The following ADAMTSL2 variants were observed in gnomAD, a reference collection of about 807,000 sequenced individuals.
The protein encoded by ADAMTSL2 is ADAMTS like 2.
In ADAMTSL2, 55 loss-of-function variants were observed where a neutral mutation model predicts 117.0. The ratio of observed to expected loss-of-function variants is 0.47; its 90% CI spans 0.38 to 0.59. The LOEUF is 0.59. Ranked by LOEUF, ADAMTSL2 falls within the 20% of genes least tolerant of loss-of-function variation. The pLI is 0.00. For missense variants in ADAMTSL2, 1,182 were observed against 1,354.5 expected (o/e 0.87, Z 2.00); for synonymous variants, 572 against 566.4 (o/e 1.01, Z -0.14).
At position 133,540,840 on chromosome 9, in the gene ADAMTSL2, C is replaced by T. The variant is rs199669227; in HGVS notation, c.559-38C>T. 17 of 1,613,202 alleles carry T rather than the reference C, an allele frequency of 1.1e-5. No homozygotes were observed. In the Middle Eastern group the frequency reaches 4.9e-4, roughly 47 times the overall value. ...TGGCGGCCCCGGGGCCTGGCCACAG[C>T]GCCCTCCCAGCAGCCCTCTCCCTCT... On this transcript the variant is annotated intron_variant, in intron 6 of 18. Transcript: ENST00000651351.
chr9:133,535,263 T>C (rs1830023717), intron 1 of ADAMTSL2, among the ~76,000 whole-genome samples: 1 of 152,014 alleles, frequency 6.6e-6, no homozygotes, highest in Non-Finnish European at 1.5e-5. Flanking sequence ...GGCTGGCACC[T>C]GTCTTCAGCC....
chr9:133,565,008 G>C (rs1244318305), intron 12 of ADAMTSL2, among the ~76,000 whole-genome samples: 1 of 152,112 alleles, frequency 6.6e-6, no homozygotes, highest in Non-Finnish European at 1.5e-5. Flanking sequence ...ACACTCTTTT[G>C]GAGCCATAGC....
At chr9:133,552,089 A>G (rs1371709692) in intron 9 of ADAMTSL2, among the ~76,000 whole-genome samples, 4 of 152,202 alleles carry the variant, frequency 2.6e-5, no homozygotes, top group Non-Finnish European at 4.4e-5. Flanking sequence ...CGGCCTCCCA[A>G]AGTGCTGGGA....
chr9:133,534,571 C>A, upstream of ADAMTSL2: 1 of 1,086,254 alleles, frequency 9.2e-7, no homozygotes, highest in Non-Finnish European at 1.2e-6. Flanking sequence ...TGGCCGGGCT[C>A]CAGAGGCGCA....
rs576399134 is a variant in ADAMTSL2, at chr9:133,538,813, C to A, written c.309+389C>A. ...CCGTCCCATGAAACAGTACCCCCCACGCCATAAAACAGTTCCCTGGGTTGC... is the reference window on the plus strand; with the variant it reads ...CCGTCCCATGAAACAGTACCCCCCAAGCCATAAAACAGTTCCCTGGGTTGC... On this transcript the variant is annotated intron_variant, in intron 4 of 18. Coordinates refer to ENST00000651351, the MANE Select transcript of ADAMTSL2 (RefSeq NM_014694.4). 2.6e-4 allele frequency among the ~76,000 whole-genome samples: 40 copies of A among 152,228 alleles called. No individual in the cohort carries two copies. In the East Asian group the frequency reaches 6.2e-3, roughly 23 times the overall value.
At position 133,534,801 on chromosome 9, in the gene ADAMTSL2, C is replaced by T. The variant is rs771268711; in HGVS notation, c.-267C>T. 2.0e-4 allele frequency: 296 copies of T among 1,485,992 alleles called. 1 individual carries two copies. The highest frequency in any genetic ancestry group is 1.2e-3 in the Middle Eastern group (6 of 5,210). 92.1% of individuals were successfully genotyped at this position (1,485,992 alleles called of 1,614,324 possible). On this transcript the variant is annotated 5_prime_UTR_variant, in exon 1 of 19. Coordinates refer to ENST00000651351, the MANE Select transcript of ADAMTSL2 (RefSeq NM_014694.4). ...GGAGGAGGGGAAGGGGAGAGGGAGG[C>T]CGGGCCGCAGCCTCTGCACTCACGC...
rs761336043 is a variant in ADAMTSL2, at chr9:133,536,457, G to A, written c.-150-106G>A. The A allele has an allele frequency of 7.9e-5, 114 of 1,439,050 alleles. 1 individual carries two copies. The highest frequency in any genetic ancestry group is 9.9e-5 in the Non-Finnish European group (107 of 1,082,390). The allele number at this position is 1,439,050 out of a possible 1,614,324, so 89.1% of individuals were successfully genotyped here. A position where few individuals can be genotyped will look rare whatever the true frequency, so the allele number is the denominator to read the frequency against. On this transcript the variant is annotated intron_variant, in intron 1 of 18. Transcript: ENST00000651351. ...ATCAAGGGTGGCACAGGCTTAGCACGCACACCGCCGCTGGGTGTCTTGCCT... is the reference window on the plus strand; with the variant it reads ...ATCAAGGGTGGCACAGGCTTAGCACACACACCGCCGCTGGGTGTCTTGCCT...
At chr9:133,561,345 A>C in intron 12 of ADAMTSL2, 50 bp downstream of exon 12, 1 of 1,506,406 alleles carries the variant, frequency 6.6e-7, no homozygotes, top group South Asian at 1.2e-5. Context: ...ACCCATTTCC[A>C]TGGACATGGG....
rs1564505502 is a variant in ADAMTSL2 at position 133,558,219 on chromosome 9, T to TC, written c.1649+2294dup. Reference sequence around the variant, plus strand: ...GCCCTGACTGCTGAGATGCCGCTGCTCCCCCGGCCGGCCTGCCATCAAAGG... The same window carrying TC: ...GCCCTGACTGCTGAGATGCCGCTGCTCCCCCCGGCCGGCCTGCCATCAAAGG... On this transcript the variant is annotated intron_variant, in intron 11 of 18. Coordinates refer to ENST00000651351, the MANE Select transcript of ADAMTSL2 (RefSeq NM_014694.4). The surrounding 1 kb of genome is among the most constrained non-coding windows in gnomAD (Gnocchi z 4.3). 1.3e-5 allele frequency among the ~76,000 whole-genome samples: 2 copies of TC among 151,784 alleles called. No homozygotes were observed. Among genetic ancestry groups the TC allele is most frequent in the Admixed American group, 6.6e-5 (1 of 15,264 alleles).
rs767268986 is a variant in ADAMTSL2, at chr9:133,537,563, C to A, written c.233+16C>A. On this transcript the variant is annotated intron_variant, in intron 3 of 18. Coordinates refer to ENST00000651351, the MANE Select transcript of ADAMTSL2 (RefSeq NM_014694.4). ...TGCAGCAGAGGTGCGAGGTTGGGCA[C>A]GTGGCCCTGAGGGGATGGCATGAGG... 6 of 1,339,360 alleles carry A rather than the reference C, an allele frequency of 4.5e-6. No homozygotes were observed. Among genetic ancestry groups the A allele is most frequent in the Non-Finnish European group, 1.9e-6 (2 of 1,036,300 alleles). The allele number at this position is 1,339,360 out of a possible 1,614,324, so 83.0% of individuals were successfully genotyped here.
Position 133,567,014 on chromosome 9 carries a change from G to T in ADAMTSL2, c.1826G>T (p.Arg609Leu). ...VDDSYCDALT[R>L]PEPVHEFCAG... ...GACAGCTACTGTGACGCCCTGACCCGTCCCGAGCCTGTCCACGAGTTCTGC... is the reference window on the plus strand; with the variant it reads ...GACAGCTACTGTGACGCCCTGACCCTTCCCGAGCCTGTCCACGAGTTCTGC... Residue 609 changes from arginine (R) to leucine (L), a missense_variant, in exon 13 of 19, where the codon CGT becomes CTT. Arg to Leu is a moderately radical substitution (Grantham distance 102, BLOSUM62 -2). Transcript: ENST00000651351. 1 of 1,611,324 alleles carries T rather than the reference G, an allele frequency of 6.2e-7. No homozygotes were observed. The highest frequency in any genetic ancestry group is 8.5e-7 in the Non-Finnish European group (1 of 1,179,676).
chr9:133,569,592 A>G lies in ADAMTSL2; in HGVS notation c.2415+14A>G. 6.4e-7 allele frequency: 1 copy of G among 1,556,390 alleles called. No individual in the cohort carries two copies. On this transcript the variant is annotated intron_variant, in intron 16 of 18. Transcript: ENST00000651351. ...GACTGGGAGCGGGTGAGTGCCCCAG[A>G]GCCCGCGGAAGGGCCTCCTGGTATC... is the stretch of plus-strand genomic sequence containing the variant.
chr9:133,550,804 G>A (rs113319358), intron 9 of ADAMTSL2, among the ~76,000 whole-genome samples: 85 of 152,274 alleles, frequency 5.6e-4, no homozygotes, highest in African/African-American at 1.8e-3. Flanking sequence ...CGTTGTGCCT[G>A]CAGTGGGGTG....
At chr9:133,566,810 G>C in intron 12 of ADAMTSL2, 126 bp from the exon 13 acceptor site, 1 of 1,296,742 alleles carries the variant, frequency 7.7e-7, no homozygotes, top group Non-Finnish European at 1.1e-6. Flanking sequence ...TGCACAAGCT[G>C]TGACTGATCC....
chr9:133,536,276 C>T (rs1158279644), intron 1 of ADAMTSL2, among the ~76,000 whole-genome samples: 4 of 152,248 alleles, frequency 2.6e-5, no homozygotes, highest in South Asian at 2.1e-4. Flanking sequence ...TGCCAAGGCG[C>T]TGGACTGAGC....
Position 133,536,543 on chromosome 9 carries a change from G to T in ADAMTSL2, c.-150-20G>T. 6.5e-7 allele frequency: 1 copy of T among 1,544,644 alleles called. No homozygotes were observed. Among genetic ancestry groups the T allele is most frequent in the Non-Finnish European group, 8.8e-7 (1 of 1,141,104 alleles). On this transcript the variant is annotated intron_variant, in intron 1 of 18. Coordinates refer to ENST00000651351, the MANE Select transcript of ADAMTSL2 (RefSeq NM_014694.4). Reference sequence around the variant, plus strand: ...CTTGCTAAGCCTAGACTGAGGCGGGGGGTTCATCCTTCCCAACAGGGTCTG... The same window carrying T: ...CTTGCTAAGCCTAGACTGAGGCGGGTGGTTCATCCTTCCCAACAGGGTCTG...
chr9:133,547,812 C>T (rs1299694342), intron 9 of ADAMTSL2, among the ~76,000 whole-genome samples: 1 of 152,212 alleles, frequency 6.6e-6, no homozygotes, highest in Non-Finnish European at 1.5e-5. Flanking sequence ...ATGGCCTCCC[C>T]AGGATACTCA....
At chr9:133,540,527 A>G (rs1830191575) in intron 5 of ADAMTSL2, 71 bp from the exon 6 acceptor site, 100 of 1,575,944 alleles carry the variant, frequency 6.3e-5, no homozygotes, top group Non-Finnish European at 8.5e-5. Flanking sequence ...CAGAGGGAGG[A>G]AAAGGGAAGT....
intron 1 of ADAMTSL2, 31 bp from the exon 2 acceptor site, chr9:133,536,532 A>C: frequency 6.5e-7 from 1 of 1,532,608 alleles, no homozygotes; most frequent in Non-Finnish European, 8.8e-7. Flanking sequence ...CTAAGCCTAG[A>C]CTGAGGCGGG....
Sources: allele counts gnomAD v4.1 joint callset (sites outside exome capture counted in the v4.1 genomes callset), GRCh38; gene constraint gnomAD v4.1.1; non-coding constraint Gnocchi (gnomAD v3.1); transcripts MANE v1.5; gene names NCBI Gene and HGNC (gene_info 2026-07-23, HGNC 2026-07-21).